Variants in PPP6R2 observed in about 807,000 individuals in gnomAD.
PPP6R2 encodes the protein protein phosphatase 6 regulatory subunit 2, also known as serine/threonine-protein phosphatase 6 regulatory subunit 2.
A neutral mutation model predicts 100.2 loss-of-function variants in PPP6R2; 62 were observed. That is an observed-to-expected ratio of 0.62 (90% confidence interval 0.50 to 0.76). The LOEUF (loss-of-function observed/expected upper bound fraction) is 0.76, where lower values mean the gene tolerates loss of function less well. Among genes scored for constraint, PPP6R2 ranks in the 30% least tolerant of loss-of-function variants. The pLI, the probability that PPP6R2 is intolerant of heterozygous loss-of-function variation, is 0.00. For missense variants in PPP6R2, 1,142 were observed against 1,276.3 expected (o/e 0.89, Z 1.60); for synonymous variants, 525 against 514.7 (o/e 1.02, Z -0.27).
Position 50,436,439 on chromosome 22 carries a change from A to G in PPP6R2, c.1589A>G (p.Asn530Ser). Residue 530 changes from asparagine (N) to serine (S), a missense_variant, in exon 14 of 24, where the codon AAC becomes AGC. By Grantham distance (46) the Asn-to-Ser change is conservative. This residue lies in a region of PPP6R2 where 592 missense variants were observed against 758.9 expected (regional missense o/e 0.78). Coordinates refer to ENST00000612753, the MANE Select transcript of PPP6R2 (RefSeq NM_001242898.2). Reference sequence around the variant, plus strand: ...ACGCTGACGGAGACGAACCGCAGGAACACTGTGGACCTGGTGAGGAGGCTC... The same window carrying G: ...ACGCTGACGGAGACGAACCGCAGGAGCACTGTGGACCTGGTGAGGAGGCTC... Reference protein sequence around the residue: ...EETLTETNRRNTVDLVSTHHL... With the variant: ...EETLTETNRRSTVDLVSTHHL... 3 of 1,591,742 alleles carry G rather than the reference A, an allele frequency of 1.9e-6. No homozygotes were observed. Among genetic ancestry groups the G allele is most frequent in the Non-Finnish European group, 2.6e-6 (3 of 1,170,554 alleles).
intron 6 of PPP6R2, among the ~76,000 whole-genome samples, 166 bp from the exon 7 acceptor site, chr22:50,418,701 T>TA (rs371215035): frequency 8.6e-4 from 129 of 150,284 alleles, no homozygotes; most frequent in South Asian, 3.8e-3. Flanking sequence ...TCCCACATCT[T>TA]AAAAAAAAAG....
Position 50,423,600 on chromosome 22 carries a change from A to T in PPP6R2, c.1111A>T (p.Met371Leu), listed in dbSNP as rs747938854. Residue 371 changes from methionine (M) to leucine (L), a missense_variant, in exon 10 of 24, where the codon ATG becomes TTG. Physicochemically the swap from Met to Leu is conservative, Grantham distance 15. Transcript: ENST00000612753. This position sits in a 1 kb window ranked among gnomAD's most constrained non-coding sequence, Gnocchi z 4.8. ...CCAGGAGCTCTGCCGGCTCAACACGATGGACTTACTGCTGGTAAGTGGGCC... is the reference window on the plus strand; with the variant it reads ...CCAGGAGCTCTGCCGGCTCAACACGTTGGACTTACTGCTGGTAAGTGGGCC... ...INQELCRLNTMDLLLDLFFKY... is the reference protein window; with the variant it reads ...INQELCRLNTLDLLLDLFFKY... 1 of 1,614,104 alleles carries T rather than the reference A, an allele frequency of 6.2e-7. No homozygotes were observed. The highest frequency in any genetic ancestry group is 2.2e-5 in the East Asian group (1 of 44,876).
chr22:50,427,856 G>A (rs1412183075), intron 10 of PPP6R2, among the ~76,000 whole-genome samples: 3 of 152,244 alleles, frequency 2.0e-5, no homozygotes, highest in African/African-American at 4.8e-5. Flanking sequence ...AAGTAGCTGG[G>A]ACTACAGGTG....
intron 3 of PPP6R2, among the ~76,000 whole-genome samples, chr22:50,399,679 G>A (rs2057705181): frequency 1.3e-5 from 2 of 152,254 alleles, no homozygotes; most frequent in South Asian, 4.1e-4. Flanking sequence ...CTTAATTAAA[G>A]CCAGGGGCTG....
At position 50,423,634 on chromosome 22, in the gene PPP6R2, A is replaced by G. The variant is rs2061613433; in HGVS notation, c.1125+20A>G. The stretch of plus-strand genomic sequence containing the variant: ...CTGCTGGTAAGTGGGCCCCTCAGCC[A>G]GCCCTGCATGTCTGTGAGTGTGCCG... On this transcript the variant is annotated intron_variant, in intron 10 of 23. Coordinates refer to ENST00000612753, the MANE Select transcript of PPP6R2 (RefSeq NM_001242898.2). This position sits in a 1 kb window ranked among gnomAD's most constrained non-coding sequence, Gnocchi z 4.8. 1 of 1,613,626 alleles carries G rather than the reference A, an allele frequency of 6.2e-7. No homozygotes were observed.
intron 2 of PPP6R2, among the ~76,000 whole-genome samples, chr22:50,379,886 C>T (rs1057298502): frequency 6.6e-6 from 1 of 152,094 alleles, no homozygotes. Flanking sequence ...CAAAAAACCC[C>T]ACTAATTGTT....
chr22:50,444,165 C>A (rs372587521), intron 23 of PPP6R2, 34 bp from the exon 24 acceptor site: 126 of 1,612,158 alleles, frequency 7.8e-5, no homozygotes, highest in Non-Finnish European at 1.1e-4. Context: ...GGGCCCGCAG[C>A]CCGCACGGTT....
At chr22:50,392,739 G>T (rs527630072) in intron 2 of PPP6R2, among the ~76,000 whole-genome samples, 1 of 152,292 alleles carries the variant, frequency 6.6e-6, no homozygotes, top group East Asian at 1.9e-4. Flanking sequence ...TTGGAGCTGA[G>T]ATGAGATGTG....
chr22:50,396,880 C>T (rs2057011118), intron 3 of PPP6R2, among the ~76,000 whole-genome samples: 1 of 152,158 alleles, frequency 6.6e-6, no homozygotes, highest in Admixed American at 6.5e-5. Flanking sequence ...GGGGCAGCTG[C>T]AGCCAGAAGC....
intron 22 of PPP6R2, 105 bp from the exon 23 acceptor site, chr22:50,443,761 C>G: frequency 2.1e-6 from 3 of 1,436,902 alleles, no homozygotes; most frequent in Non-Finnish European, 2.8e-6. Flanking sequence ...AAAGATGGTG[C>G]TCCCAGGCCG....
At chr22:50,442,844 G>A (rs559727783) in intron 22 of PPP6R2, among the ~76,000 whole-genome samples, 5 of 149,386 alleles carry the variant, frequency 3.3e-5, no homozygotes, top group Admixed American at 6.7e-5. Context: ...GAGCCACCGC[G>A]CCTGGCCTAG....
At chr22:50,362,975 A>G (rs1325011606) in intron 1 of PPP6R2, among the ~76,000 whole-genome samples, 7 of 152,328 alleles carry the variant, frequency 4.6e-5, no homozygotes, top group East Asian at 1.9e-4. Flanking sequence ...TCTCTGGCAG[A>G]GCAGTCATTG....
chr22:50,420,808 C>T (rs1356573741), intron 8 of PPP6R2, among the ~76,000 whole-genome samples: 2 of 152,218 alleles, frequency 1.3e-5, no homozygotes, highest in Non-Finnish European at 2.9e-5. Flanking sequence ...CTGGCCTCAC[C>T]CTGGCCCTTG....
At chr22:50,410,916 C>G (rs1049859520) in intron 4 of PPP6R2, among the ~76,000 whole-genome samples, 1 of 152,108 alleles carries the variant, frequency 6.6e-6, no homozygotes, top group South Asian at 2.1e-4. Context: ...CTCAGCCTCC[C>G]GCGTAGCCAG....
At position 50,436,568 on chromosome 22, in the gene PPP6R2, C is replaced by T. The variant is rs571931399; in HGVS notation, c.1602+116C>T. 3 of 1,008,798 alleles carry T rather than the reference C, an allele frequency of 3.0e-6. No homozygotes were observed. In the South Asian group the frequency reaches 4.3e-5, roughly 15 times the overall value. 62.5% of individuals were successfully genotyped at this position (1,008,798 alleles called of 1,614,324 possible). On this transcript the variant is annotated intron_variant, in intron 14 of 23. Coordinates refer to ENST00000612753, the MANE Select transcript of PPP6R2 (RefSeq NM_001242898.2). ...GGAGGCACAAGGGCCGCACGCCTGC[C>T]TGCTCCTCTTGACTATGCGGTGCCC...
the PPP6R2 span, among the ~76,000 whole-genome samples, chr22:50,332,053 C>T: frequency 2.0e-5 from 3 of 152,130 alleles, no homozygotes; most frequent in Admixed American, 1.3e-4. Flanking sequence ...GTGCATGCCA[C>T]CACACCCAGG....
rs1183156956 is a variant in PPP6R2, at chr22:50,346,509, GC to G, written c.-148+2966del. Among the ~76,000 whole-genome samples, 8 of 91,284 alleles carry G rather than the reference GC, an allele frequency of 8.8e-5. No homozygotes were observed. The East Asian group carries it at 9.5e-4, about 11-fold the overall frequency. 59.9% of individuals were successfully genotyped at this position (91,284 alleles called of 152,430 possible). A position where few individuals can be genotyped will look rare whatever the true frequency, so the allele number is the denominator to read the frequency against. On this transcript the variant is annotated intron_variant, in intron 1 of 23. Coordinates refer to ENST00000612753, the MANE Select transcript of PPP6R2 (RefSeq NM_001242898.2). ...GTCAGTTCCCTCCCAGTCAGTCAGT[GC>G]CCCCCCAGTCAGTGCCCTCCTTCTG...
intron 22 of PPP6R2, among the ~76,000 whole-genome samples, chr22:50,441,443 G>A (rs1484327086): frequency 6.6e-6 from 1 of 152,210 alleles, no homozygotes; most frequent in Non-Finnish European, 1.5e-5. Flanking sequence ...GGTCGGGGAG[G>A]GGCACAGACT....
chr22:50,349,586 G>A (rs1004530857), intron 1 of PPP6R2, among the ~76,000 whole-genome samples: 1 of 152,146 alleles, frequency 6.6e-6, no homozygotes, highest in African/African-American at 2.4e-5. Flanking sequence ...AGCAGTTTGG[G>A]AGGCTGAGGC....
Sources: gnomAD v4.1 joint callset for allele counts (sites outside exome capture counted in the v4.1 genomes callset) on GRCh38, gnomAD v4.1.1 for gene constraint, gnomAD v4.1.1 regional missense constraint, Gnocchi (gnomAD v3.1) non-coding constraint, MANE v1.5 for transcripts, NCBI Gene and HGNC (gene_info 2026-07-23, HGNC 2026-07-21) for gene names.